PRUNE2: variants seen among roughly 807,000 people sequenced by gnomAD.
PRUNE2 encodes the protein protein prune homolog 2.
Under a neutral mutation model 252.0 loss-of-function variants are expected in PRUNE2, and 164 were observed. The observed-to-expected ratio is 0.65, with a 90% CI of 0.57 to 0.74. The LOEUF is 0.74. Among genes scored for constraint, PRUNE2 ranks in the 30% least tolerant of loss-of-function variants. The probability of loss-of-function intolerance (pLI) is 0.00; values close to 1 mark genes in which losing one functional copy is unlikely to be tolerated. For synonymous variants in PRUNE2, 1,292 were observed against 1,350.2 expected (o/e 0.96, Z 0.94); for missense variants, 3,495 against 3,711.0 (o/e 0.94, Z 1.51).
chr9:76,615,744 T>C (rs992579225), intron 18 of PRUNE2, among the ~76,000 whole-genome samples: 2 of 151,190 alleles, frequency 1.3e-5, no homozygotes, highest in African/African-American at 4.9e-5. Context: ...CGGTGGATTT[T>C]TTTTGTTGTT....
intron 6 of PRUNE2, among the ~76,000 whole-genome samples, chr9:76,768,915 T>A (rs539716992): frequency 7.1e-4 from 108 of 152,294 alleles, no homozygotes; most frequent in African/African-American, 2.6e-3. Flanking sequence ...TTATAAAAAA[T>A]TTAAATTACA....
intron 1 of PRUNE2, among the ~76,000 whole-genome samples, chr9:76,886,354 AC>A (rs774807444): frequency 4.6e-5 from 7 of 152,118 alleles, no homozygotes; most frequent in Non-Finnish European, 1.0e-4. Flanking sequence ...TAATTCCACG[AC>A]CCTTGTTCTT....
rs781134223 is a variant in PRUNE2 at position 76,703,730 on chromosome 9, G to A, written c.7883C>T (p.Ala2628Val). 1.2e-6 allele frequency: 2 copies of A among 1,613,582 alleles called. No individual in the cohort carries two copies. Among genetic ancestry groups the A allele is most frequent in the Non-Finnish European group, 1.7e-6 (2 of 1,179,868 alleles). Residue 2628 changes from alanine to valine, a missense_variant, in exon 9 of 19, where the codon GCA becomes GTA. Ala to Val is a moderately conservative substitution (Grantham distance 64, BLOSUM62 0). Coordinates refer to ENST00000376718, the MANE Select transcript of PRUNE2 (RefSeq NM_015225.3). ...SDTRSSFESPAQDQSWMFLGH... is the reference protein window; with the variant it reads ...SDTRSSFESPVQDQSWMFLGH... ...CAAGAACATCCAACTCTGGTCTTGT[G>A]CAGGGCTTTCAAAAGATGATCTCGT... is the stretch of plus-strand genomic sequence containing the variant.
intron 9 of PRUNE2, among the ~76,000 whole-genome samples, chr9:76,671,483 G>A (rs557241217): frequency 6.6e-6 from 1 of 151,902 alleles, no homozygotes; most frequent in African/African-American, 2.4e-5. Context: ...CACTCTGCAG[G>A]ATATTATCCA....
chr9:76,670,645 T>C (rs1369781452), intron 9 of PRUNE2, among the ~76,000 whole-genome samples: 1 of 152,280 alleles, frequency 6.6e-6, no homozygotes, highest in East Asian at 1.9e-4. Flanking sequence ...CAGACTTAAA[T>C]GTCCCTGTCT....
At chr9:76,657,300 T>C (rs1849625418) in intron 9 of PRUNE2, among the ~76,000 whole-genome samples, 1 of 152,242 alleles carries the variant, frequency 6.6e-6, no homozygotes, top group Admixed American at 6.5e-5. Flanking sequence ...TAAAGGCACA[T>C]GTACATTATT....
At chr9:76,876,234 A>G (rs1341516354) in intron 1 of PRUNE2, among the ~76,000 whole-genome samples, 1 of 152,232 alleles carries the variant, frequency 6.6e-6, no homozygotes, top group East Asian at 1.9e-4. Flanking sequence ...AGCAGAACTC[A>G]AAATTTCTCT....
chr9:76,762,599 A>G (rs1254807405), intron 6 of PRUNE2, among the ~76,000 whole-genome samples: 1 of 152,154 alleles, frequency 6.6e-6, no homozygotes, highest in East Asian at 1.9e-4. Flanking sequence ...ATCCTTTTCA[A>G]ACTCTCCAAA....
intron 9 of PRUNE2, among the ~76,000 whole-genome samples, chr9:76,697,630 G>A (rs1008428505): frequency 9.9e-5 from 15 of 152,174 alleles, no homozygotes; most frequent in African/African-American, 3.1e-4. Context: ...ACGAGATAAC[G>A]GGAGAACAGG....
chr9:76,755,903 A>G (rs911996354), intron 6 of PRUNE2, among the ~76,000 whole-genome samples: 12 of 152,154 alleles, frequency 7.9e-5, no homozygotes, highest in African/African-American at 2.7e-4. Context: ...AGGTTTTGCC[A>G]TGTTGTCCAG....
rs1336060484 is a variant in PRUNE2, at chr9:76,619,326, T to C, written c.9236+14A>G. ...CAAGTAACCACATAGCTGTTATTGA[T>C]GGTGAATTCTTACTCCTTCTCCATA... On this transcript the variant is annotated intron_variant, in intron 18 of 18. Coordinates refer to ENST00000376718, the MANE Select transcript of PRUNE2 (RefSeq NM_015225.3). The C allele has an allele frequency of 1.9e-6, 3 of 1,567,188 alleles. No individual in the cohort carries two copies. The highest frequency in any genetic ancestry group is 2.2e-5 in the East Asian group (1 of 44,496).
chr9:76,830,570 T>C (rs945903212), intron 4 of PRUNE2, among the ~76,000 whole-genome samples: 6 of 151,348 alleles, frequency 4.0e-5, no homozygotes, highest in Non-Finnish European at 7.4e-5. Flanking sequence ...AAGAATCACT[T>C]GAACCTGGGA....
rs1827703192 is a variant in PRUNE2 at position 76,612,353 on chromosome 9, C to T, written c.*2217G>A. The T allele has an allele frequency of 6.6e-6, 1 of 152,080 alleles. No individual in the cohort carries two copies. 9.4% of individuals were successfully genotyped at this position (152,080 alleles called of 1,614,324 possible). ...TGTGTCTGTTTGGCTATAACAAGAG[C>T]CCTCTATGAACAGCTCTATGCCCTC... On this transcript the variant is annotated 3_prime_UTR_variant, in exon 19 of 19. Coordinates refer to ENST00000376718, the MANE Select transcript of PRUNE2 (RefSeq NM_015225.3).
At chr9:76,740,362 T>C (rs1025599559) in intron 6 of PRUNE2, 8 of 146,840 alleles carry the variant, frequency 5.4e-5, no homozygotes, top group African/African-American at 2.0e-4. Context: ...GGCAGGAGAA[T>C]GGCGTGAACC....
intron 6 of PRUNE2, among the ~76,000 whole-genome samples, chr9:76,749,605 C>A (rs1303904249): frequency 6.6e-6 from 1 of 152,244 alleles, no homozygotes; most frequent in Non-Finnish European, 1.5e-5. Context: ...AGCTTCCCAG[C>A]TGTCCTTGCT....
chr9:76,709,448 TAAG>T lies in PRUNE2; in HGVS notation c.2823_2825del (p.Phe941del). The T allele has an allele frequency of 6.2e-7, 1 of 1,614,006 alleles. No individual in the cohort carries two copies. Among genetic ancestry groups the T allele is most frequent in the Non-Finnish European group, 8.5e-7 (1 of 1,179,880 alleles). On this transcript the variant is annotated inframe_deletion, in exon 8 of 19. Coordinates refer to ENST00000376718, the MANE Select transcript of PRUNE2 (RefSeq NM_015225.3). ...CACTGTAATCAGAACATTTGTAAGA[TAAG>T]AAGGAATCTTCCCAAGGAACTAGGA...
intron 6 of PRUNE2, among the ~76,000 whole-genome samples, chr9:76,773,085 C>A (rs1589139960): frequency 6.6e-6 from 1 of 152,156 alleles, no homozygotes. Context: ...AAATTTATAA[C>A]CTGAGATCCT....
chr9:76,737,537 T>C (rs878952617), intron 6 of PRUNE2: 29 of 152,362 alleles, frequency 1.9e-4, no homozygotes, highest in Admixed American at 1.5e-3. Flanking sequence ...ATTCATATTC[T>C]ACCAAATAAA....
chr9:76,735,413 TTTC>T (rs1350238489), intron 6 of PRUNE2, among the ~76,000 whole-genome samples: 2 of 124,152 alleles, frequency 1.6e-5, no homozygotes, highest in African/African-American at 7.0e-5. Context: ...GATAGTTTTC[TTTC>T]TTCTTTTTTT....
Sources: gnomAD v4.1 joint callset for allele counts (sites outside exome capture counted in the v4.1 genomes callset) on GRCh38, gnomAD v4.1.1 for gene constraint, MANE v1.5 for transcripts, NCBI Gene and HGNC (gene_info 2026-07-23, HGNC 2026-07-21) for gene names.